The following PDSS2 variants were observed in gnomAD, a reference collection of about 807,000 sequenced individuals.
The protein encoded by PDSS2 is all trans-polyprenyl-diphosphate synthase PDSS2.
In PDSS2, 31 loss-of-function variants were observed where a neutral mutation model predicts 44.5. That is an observed-to-expected ratio of 0.70 (90% CI 0.52 to 0.94). The LOEUF (loss-of-function observed/expected upper bound fraction) is 0.94. Among genes scored for constraint, PDSS2 ranks in the 40% least tolerant of loss-of-function variants. The pLI is 0.00. For missense variants in PDSS2, 452 were observed against 482.2 expected, an observed-to-expected ratio of 0.94 and a Z score of 0.59; for synonymous variants, 157 against 180.3, an observed-to-expected ratio of 0.87 and a Z score of 1.03.
intron 1 of PDSS2, among the ~76,000 whole-genome samples, chr6:107,390,822 C>A (rs1583026093): frequency 6.6e-6 from 1 of 152,092 alleles, no homozygotes; most frequent in South Asian, 2.1e-4. Context: ...CCTGGAAACA[C>A]TAGGACATTA....
At chr6:107,397,364 T>G (rs181170604) in intron 1 of PDSS2, among the ~76,000 whole-genome samples, 22 of 152,314 alleles carry the variant, frequency 1.4e-4, no homozygotes, top group African/African-American at 5.1e-4. Context: ...ATTTATAGTT[T>G]TCAGTGCCAT....
chr6:107,344,679 G>A (rs1031870664), intron 1 of PDSS2, among the ~76,000 whole-genome samples: 1 of 152,198 alleles, frequency 6.6e-6, no homozygotes, highest in African/African-American at 2.4e-5. Flanking sequence ...GGGGTAGGGT[G>A]CAGGGGTTGT....
intron 2 of PDSS2, among the ~76,000 whole-genome samples, chr6:107,294,695 T>C (rs1776453713): frequency 6.6e-6 from 1 of 152,214 alleles, no homozygotes; most frequent in African/African-American, 2.4e-5. Flanking sequence ...AGTATAGTTA[T>C]TAGCCCTATT....
At chr6:107,389,464 G>C (rs1000554857) in intron 1 of PDSS2, among the ~76,000 whole-genome samples, 2 of 152,196 alleles carry the variant, frequency 1.3e-5, no homozygotes, top group African/African-American at 4.8e-5. Context: ...ACAGGGGTAT[G>C]ATTTAACATT....
intron 1 of PDSS2, among the ~76,000 whole-genome samples, chr6:107,345,507 A>G (rs1778214343): frequency 6.6e-6 from 1 of 151,880 alleles, no homozygotes; most frequent in Admixed American, 6.6e-5. Context: ...TTCAACTGAC[A>G]ATTACTCATA....
chr6:107,222,200 A>G (rs1773630545), intron 4 of PDSS2, among the ~76,000 whole-genome samples: 1 of 152,286 alleles, frequency 6.6e-6, no homozygotes, highest in Non-Finnish European at 1.5e-5. Context: ...AAAAAAGGTC[A>G]AGTATAGAAA....
intron 1 of PDSS2, among the ~76,000 whole-genome samples, chr6:107,421,556 C>T (rs376339589): frequency 1.4e-4 from 22 of 151,984 alleles, no homozygotes; most frequent in African/African-American, 4.6e-4. Context: ...AAGGACATTA[C>T]GCTGAGTGAA....
chr6:107,391,396 ACT>A (rs1562508321), intron 1 of PDSS2, among the ~76,000 whole-genome samples: 1 of 152,100 alleles, frequency 6.6e-6, no homozygotes, highest in African/African-American at 2.4e-5. Context: ...TTTTAAATTA[ACT>A]CTTTGTATAA....
At chr6:107,222,949 A>AT (rs1773661594) in intron 4 of PDSS2, among the ~76,000 whole-genome samples, 1 of 149,730 alleles carries the variant, frequency 6.7e-6, no homozygotes. Flanking sequence ...CTACAAAAAA[A>AT]ATTTTTTTTT....
At chr6:107,197,605 T>G (rs1249420592) in intron 6 of PDSS2, among the ~76,000 whole-genome samples, 1 of 152,028 alleles carries the variant, frequency 6.6e-6, no homozygotes. Context: ...TGTTGGGTCA[T>G]AGAAGTGTCC....
At chr6:107,329,507 C>G (rs909350213) in intron 2 of PDSS2, among the ~76,000 whole-genome samples, 2 of 152,118 alleles carry the variant, frequency 1.3e-5, no homozygotes, top group African/African-American at 4.8e-5. Context: ...GGCATTCTCC[C>G]TGTATATGCA....
At chr6:107,458,186 GA>G (rs539608567) in intron 1 of PDSS2, among the ~76,000 whole-genome samples, 7,525 of 143,156 alleles carry the variant, frequency 0.053, 357 homozygotes, top group African/African-American at 0.13. Context: ...TTAAGTGGAA[GA>G]AAAAAAAAAA....
chr6:107,247,247 T>C (rs1050471939), intron 3 of PDSS2, among the ~76,000 whole-genome samples: 5 of 152,308 alleles, frequency 3.3e-5, no homozygotes, highest in African/African-American at 9.6e-5. Flanking sequence ...GAGACCAGCA[T>C]TGGTAACGTG....
At chr6:107,164,675 T>C (rs1228198247) in intron 7 of PDSS2, among the ~76,000 whole-genome samples, 7 of 152,230 alleles carry the variant, frequency 4.6e-5, no homozygotes, top group Non-Finnish European at 7.3e-5. Flanking sequence ...CCTTTGGGTA[T>C]ATACCCAGTA....
intron 1 of PDSS2, among the ~76,000 whole-genome samples, chr6:107,439,442 T>C (rs1018780485): frequency 6.6e-6 from 1 of 152,228 alleles, no homozygotes; most frequent in East Asian, 1.9e-4. Flanking sequence ...TCAGATCACT[T>C]ACATTCCTTA....
chr6:107,276,066 C>CCA (rs1775769451), intron 2 of PDSS2, among the ~76,000 whole-genome samples: 1 of 129,790 alleles, frequency 7.7e-6, no homozygotes. Context: ...TTATAGTGAA[C>CCA]TGACTGCACT....
intron 4 of PDSS2, among the ~76,000 whole-genome samples, chr6:107,223,232 A>AT (rs138104550): frequency 0.023 from 3,405 of 150,710 alleles, 65 homozygotes; most frequent in Non-Finnish European, 0.036. Flanking sequence ...CTCTACAAAC[A>AT]TTTTTTTAAA....
chr6:107,442,359 C>A (rs936330815), intron 1 of PDSS2, among the ~76,000 whole-genome samples: 1 of 152,054 alleles, frequency 6.6e-6, no homozygotes, highest in African/African-American at 2.4e-5. Flanking sequence ...AGAGGTCGCA[C>A]TGAGCTGAGA....
intron 7 of PDSS2, among the ~76,000 whole-genome samples, chr6:107,170,606 ACC>A (rs201361243): frequency 0.013 from 1,279 of 96,416 alleles, 21 homozygotes; most frequent in African/African-American, 0.048. Context: ...TCTTGGAACC[ACC>A]CCCCCCCCCC....
Sources: gnomAD v4.1 joint callset for allele counts (sites outside exome capture counted in the v4.1 genomes callset) on GRCh38, gnomAD v4.1.1 for gene constraint, MANE v1.5 for transcripts, NCBI Gene and HGNC (gene_info 2026-07-23, HGNC 2026-07-21) for gene names.